The following DUX4 variants were observed in gnomAD, a reference collection of about 807,000 sequenced individuals.
DUX4 encodes the protein double homeobox protein 4.
At chr4:190,177,451 A>T (rs1742368220), downstream of DUX4, among the ~76,000 whole-genome samples, 16 of 150,776 alleles carry the variant, frequency 1.1e-4, no homozygotes, top group South Asian at 2.1e-4. Flanking sequence ...CAGTGCAAAG[A>T]TATGTCACAA....
In DUX4 at chr4:190,175,730, C is replaced by T; in HGVS notation, c.*320C>T. On this transcript the variant is annotated 3_prime_UTR_variant, in exon 2 of 2. Transcript: ENST00000565211. ...CCCTTGTTCTTCCGTGAAATTCTGG[C>T]TGAATGTCTCCCCCCACCTTCCGAC... 6.1e-6 allele frequency: 1 copy of T among 165,122 alleles called. No individual in the cohort carries two copies. The highest frequency in any genetic ancestry group is 1.7e-4 in the South Asian group (1 of 5,836). 10.2% of individuals were successfully genotyped at this position (165,122 alleles called of 1,614,324 possible). A position where few individuals can be genotyped will look rare whatever the true frequency, so the allele number is the denominator to read the frequency against.
downstream of DUX4, chr4:190,175,899 T>G (rs1742282438): frequency 1.6e-5 from 2 of 129,000 alleles, no homozygotes; most frequent in African/African-American, 5.2e-5. Flanking sequence ...ATATCCCCTG[T>G]AGAAAAAGCC....
At chr4:190,183,539 C>T (rs1384653939) in intron 1 of DUX4, among the ~76,000 whole-genome samples, 1 of 92,460 alleles carries the variant, frequency 1.1e-5, no homozygotes. Flanking sequence ...TCACAACTCT[C>T]TTCTCATTAC....
chr4:190,176,405 C>T (rs1438839718), downstream of DUX4, among the ~76,000 whole-genome samples: 4 of 105,920 alleles, frequency 3.8e-5, 1 homozygote, highest in Non-Finnish European at 6.6e-5. Context: ...AGTTACATCA[C>T]CTTGGGGATC....
chr4:190,176,378 G>A (rs1164021849), downstream of DUX4, among the ~76,000 whole-genome samples: 1 of 108,116 alleles, frequency 9.2e-6, no homozygotes, highest in African/African-American at 2.7e-5. Context: ...CGCTCCTGTA[G>A]TCTGAACCTA....
downstream of DUX4, among the ~76,000 whole-genome samples, chr4:190,176,251 C>T (rs1450332485): frequency 2.7e-5 from 3 of 111,882 alleles, no homozygotes; most frequent in African/African-American, 7.9e-5. Context: ...AGACAAAGCC[C>T]AGACAATTTT....
Position 190,175,773 on chromosome 4 carries a change from G to T in DUX4, c.*363G>T, listed in dbSNP as rs1276342771. 1.3e-5 allele frequency: 2 copies of T among 152,770 alleles called. No individual in the cohort carries two copies. The highest frequency in any genetic ancestry group is 2.7e-5 in the African/African-American group (1 of 37,156). 9.5% of individuals were successfully genotyped at this position (152,770 alleles called of 1,614,324 possible). The stretch of plus-strand genomic sequence containing the variant: ...CTTCCGACGCTGTCTAGGCAAACCT[G>T]GATTAGAGTTACATCTCCTGGATGA... On this transcript the variant is annotated 3_prime_UTR_variant, in exon 2 of 2. Transcript: ENST00000565211.
downstream of DUX4, among the ~76,000 whole-genome samples, chr4:190,177,944 C>T (rs1579833517): frequency 1.6e-3 from 236 of 148,788 alleles, no homozygotes; most frequent in South Asian, 6.1e-3. Flanking sequence ...CACAATGTCT[C>T]CAGTAGGCAG....
At chr4:190,184,009 G>A (rs1425062146) in intron 1 of DUX4, among the ~76,000 whole-genome samples, 3 of 122,794 alleles carry the variant, frequency 2.4e-5, no homozygotes, top group East Asian at 5.1e-4. Context: ...GATGCAGAAG[G>A]AGCACGTCCC....
At chr4:190,179,019 G>T (rs1579835001), downstream of DUX4, among the ~76,000 whole-genome samples, 9 of 98,572 alleles carry the variant, frequency 9.1e-5, no homozygotes, top group East Asian at 6.7e-4. Flanking sequence ...GATTAGTGCA[G>T]AGTTATGTCA....
downstream of DUX4, chr4:190,175,991 C>T (rs1742286576): frequency 2.7e-5 from 3 of 110,124 alleles, no homozygotes; most frequent in African/African-American, 8.0e-5. Flanking sequence ...AGAATGGTTA[C>T]ATCACTTAGG....
intron 1 of DUX4, among the ~76,000 whole-genome samples, chr4:190,181,496 C>CACTATAGGCGGAG (rs1742574426): frequency 6.3e-4 from 30 of 47,412 alleles, no homozygotes; most frequent in Admixed American, 1.2e-3. Context: ...TCACAAGGCC[C>CACTATAGGCGGAG]CCTATAGGCA....
chr4:190,176,137 C>G (rs1368441913), downstream of DUX4, among the ~76,000 whole-genome samples: 5 of 107,968 alleles, frequency 4.6e-5, no homozygotes, highest in South Asian at 3.3e-4. Flanking sequence ...CCTCCCTGGG[C>G]TGATCAGTGC....
downstream of DUX4, among the ~76,000 whole-genome samples, chr4:190,177,527 AC>A (rs1742372536): frequency 8.0e-5 from 9 of 112,222 alleles, no homozygotes; most frequent in East Asian, 4.9e-4. Context: ...GATATGTGTC[AC>A]AATTCCCCTT....
At chr4:190,179,572 G>A (rs1742504118), downstream of DUX4, among the ~76,000 whole-genome samples, 70 of 150,932 alleles carry the variant, frequency 4.6e-4, no homozygotes, top group East Asian at 9.7e-4. Context: ...GCAGTGATAT[G>A]TCACAATGCT....
At chr4:190,179,787 C>G (rs1742511870), downstream of DUX4, among the ~76,000 whole-genome samples, 18 of 2,234 alleles carry the variant, frequency 8.1e-3, no homozygotes, top group East Asian at 0.018. Context: ...CAAAATGCCC[C>G]TGTAGGCAAG....
chr4:190,176,731 A>G (rs1742318889), downstream of DUX4, among the ~76,000 whole-genome samples: 1 of 82,456 alleles, frequency 1.2e-5, no homozygotes, highest in Admixed American at 1.5e-4. Flanking sequence ...CAGATCTAAG[A>G]CAAGCGTCCA....
chr4:190,179,449 T>TGCG (rs1742493476), downstream of DUX4, among the ~76,000 whole-genome samples: 1 of 82,148 alleles, frequency 1.2e-5, no homozygotes, highest in African/African-American at 4.8e-5. Context: ...CAAAGCACCC[T>TGCG]GTAAGCAGAT....
chr4:190,178,838 T>C (rs1742455821), downstream of DUX4, among the ~76,000 whole-genome samples: 10 of 150,702 alleles, frequency 6.6e-5, no homozygotes, highest in African/African-American at 9.7e-5. Context: ...AATTCCCCTG[T>C]AGGCAGAGCT....
Sources: gnomAD v4.1 joint callset for allele counts (sites outside exome capture counted in the v4.1 genomes callset) on GRCh38, gnomAD v4.1.1 for gene constraint, MANE v1.5 for transcripts, NCBI Gene and HGNC (gene_info 2026-07-23, HGNC 2026-07-21) for gene names.